NADK: variants seen among roughly 807,000 people sequenced by gnomAD.
NADK encodes NAD kinase.
NADK carries 22 observed loss-of-function variants against 49.8 expected under a neutral mutation model. The ratio of observed to expected loss-of-function variants is 0.44; its 90% CI spans 0.32 to 0.63. The LOEUF is 0.63. Ranked by LOEUF, NADK falls within the 30% of genes least tolerant of loss-of-function variation. The pLI is 0.06. For synonymous variants in NADK, 268 were observed against 253.7 expected (o/e 1.06, Z -0.54); for missense variants, 438 against 609.4 (o/e 0.72, Z 2.96).
chr1:1,753,187 C>T, intron 11 of NADK, 127 bp from the exon 12 acceptor site: 2 of 1,215,116 alleles, frequency 1.6e-6, no homozygotes, highest in African/African-American at 1.5e-5. Flanking sequence ...GCAGCCCCTC[C>T]CCGAGGCAGG....
At position 1,755,490 on chromosome 1, in the gene NADK, G is replaced by A. The variant is rs923942242; in HGVS notation, c.586-14C>T. 18 of 1,607,288 alleles carry A rather than the reference G, an allele frequency of 1.1e-5. No individual in the cohort carries two copies. Among genetic ancestry groups the A allele is most frequent in the Middle Eastern group, 1.7e-4 (1 of 6,050 alleles). On this transcript the variant is annotated splice_polypyrimidine_tract_variant and intron_variant, in intron 6 of 11. Transcript: ENST00000341426. ...AGGGACGCTGCCCTGTGAGCCGACG[G>A]AGAGGTCACTCAGTGCCCACGCCGT...
chr1:1,758,647 C>G, intron 3 of NADK: 1 of 1,422,868 alleles, frequency 7.0e-7, no homozygotes, highest in Non-Finnish European at 9.2e-7. Flanking sequence ...GCAACTAAGT[C>G]AAAAGAGCTT....
intron 1 of NADK, among the ~76,000 whole-genome samples, chr1:1,768,386 A>C (rs550883125): frequency 2.6e-5 from 4 of 152,176 alleles, no homozygotes; most frequent in South Asian, 2.1e-4. Context: ...AAACAAAAAC[A>C]AAAACAAAAC....
At chr1:1,765,849 G>A (rs1216842949) in intron 1 of NADK, among the ~76,000 whole-genome samples, 1 of 152,190 alleles carries the variant, frequency 6.6e-6, no homozygotes, top group Non-Finnish European at 1.5e-5. Context: ...GGTGGAGGCT[G>A]CAGTAAGTCG....
At chr1:1,772,624 C>A (rs1646085117) in intron 1 of NADK, among the ~76,000 whole-genome samples, 1 of 151,536 alleles carries the variant, frequency 6.6e-6, no homozygotes, top group Non-Finnish European at 1.5e-5. Flanking sequence ...AGAGGTAACA[C>A]TGCATAGAGC....
At chr1:1,761,836 C>G in intron 3 of NADK, 116 bp downstream of exon 3, 2 of 891,134 alleles carry the variant, frequency 2.2e-6, no homozygotes, top group Admixed American at 2.1e-5. Context: ...ACAGCGATCC[C>G]ACAACTCCAC....
In NADK at chr1:1,766,666, C is replaced by A. The variant is rs1570560450; in HGVS notation, c.-40-1220G>T. Among the ~76,000 whole-genome samples, 3 of 150,928 alleles carry A rather than the reference C, an allele frequency of 2.0e-5. No individual in the cohort carries two copies. The East Asian group carries it at 5.8e-4, about 29-fold the overall frequency. On this transcript the variant is annotated intron_variant, in intron 1 of 11. Coordinates refer to ENST00000341426, the MANE Select transcript of NADK (RefSeq NM_023018.5). ...AAACTGGTGAGGATAGAAAACCTCA[C>A]CCTTTTTTCCCCTTTTTCTTTTTCT...
At chr1:1,758,519 G>A (rs747134106) in intron 3 of NADK, 3 of 1,608,708 alleles carry the variant, frequency 1.9e-6, no homozygotes, top group Non-Finnish European at 2.5e-6. Flanking sequence ...TGGCGAACAC[G>A]CGGCCGCCCC....
chr1:1,765,326 G>A lies in NADK; in HGVS notation c.81C>T (p.His27=), dbSNP rs1311398713. The change falls in exon 2 of 12, where the codon CAC becomes CAT. Residue 27 remains histidine, a synonymous_variant. Coordinates refer to ENST00000341426, the MANE Select transcript of NADK (RefSeq NM_023018.5). ...DAAAYCCSAC[H]GDETWSYNHP... ...GGTTGTAACTCCAGGTCTCATCGCC[G>A]TGGCAGGCCGAGCAGCAGTAAGCAG... is the stretch of plus-strand genomic sequence containing the variant. 9 of 1,613,520 alleles carry A rather than the reference G, an allele frequency of 5.6e-6. No individual in the cohort carries two copies. Among genetic ancestry groups the A allele is most frequent in the African/African-American group, 5.3e-5 (4 of 74,922 alleles).
rs151122918 is a variant in NADK at position 1,776,915 on chromosome 1, A to C, written c.-41+1374T>G. ...AACACAGTGAGACTCTATCTCTACA[A>C]AAAATTTTATAAATCAGCTAGGTGT... On this transcript the variant is annotated intron_variant, in intron 1 of 11. Transcript: ENST00000341426. Among the ~76,000 whole-genome samples, 549 of 151,448 alleles carry C rather than the reference A, an allele frequency of 3.6e-3. 5 individuals are homozygous for C. The highest frequency in any genetic ancestry group is 0.012 in the African/African-American group (512 of 41,260).
intron 3 of NADK, chr1:1,759,661 G>T (rs1469891556): frequency 1.4e-6 from 2 of 1,465,716 alleles, no homozygotes; most frequent in Non-Finnish European, 9.2e-7. Context: ...GAGACACAGA[G>T]CCCAGAGGGG....
Position 1,754,746 on chromosome 1 carries a change from G to A in NADK, c.689-48C>T. On this transcript the variant is annotated intron_variant, in intron 7 of 11. Coordinates refer to ENST00000341426, the MANE Select transcript of NADK (RefSeq NM_023018.5). The surrounding 1 kb of genome is among the most constrained non-coding windows in gnomAD (Gnocchi z 4.3). ...GGGCATGCATCAGGGAAGTCAGTGG[G>A]GTCAGGGGCCCCACCCCAGGGAGGC... 6.5e-7 allele frequency: 1 copy of A among 1,541,708 alleles called. No homozygotes were observed. Among genetic ancestry groups the A allele is most frequent in the Non-Finnish European group, 8.7e-7 (1 of 1,147,510 alleles).
In NADK at chr1:1,757,194, G is replaced by A. The variant is rs749009504; in HGVS notation, c.380C>T (p.Thr127Met). 1.7e-5 allele frequency: 28 copies of A among 1,609,218 alleles called. No homozygotes were observed. The highest frequency in any genetic ancestry group is 3.3e-4 in the Middle Eastern group (2 of 6,054). Reference protein sequence around the residue: ...SLLQPFKELCTHLMEENMIVY... With the variant: ...SLLQPFKELCMHLMEENMIVY... Reference sequence around the variant, plus strand: ...TGCCCCGCGTGCCTCCATGAGGTGCGTGCAGAGCTCCTTGAACGGCTGCAG... The same window carrying A: ...TGCCCCGCGTGCCTCCATGAGGTGCATGCAGAGCTCCTTGAACGGCTGCAG... The change falls in exon 4 of 12, where the codon ACG becomes ATG. Residue 127 changes from threonine (T) to methionine (M), a missense_variant. Physicochemically the swap from Thr to Met is moderately conservative, Grantham distance 81 (BLOSUM62 -1). Coordinates refer to ENST00000341426, the MANE Select transcript of NADK (RefSeq NM_023018.5).
intron 3 of NADK, among the ~76,000 whole-genome samples, chr1:1,760,883 G>A (rs920160153): frequency 5.3e-5 from 8 of 151,982 alleles, no homozygotes; most frequent in Non-Finnish European, 1.2e-4. Flanking sequence ...CAGGCGGAAT[G>A]CACTTTGATA....
chr1:1,758,529 C>A, intron 3 of NADK: 1 of 1,607,222 alleles, frequency 6.2e-7, no homozygotes, highest in Non-Finnish European at 8.5e-7. Context: ...GCGGCCGCCC[C>A]ATCGGTATGG....
chr1:1,769,969 CAAAACAAAAACAAAAACA>C (rs143674742), intron 1 of NADK, among the ~76,000 whole-genome samples: 2,232 of 147,436 alleles, frequency 0.015, 44 homozygotes, highest in African/African-American at 0.048. Context: ...TCCCAGCACT[CAAAACAAAAACAAAAACA>C]AAAACAAAAA....
chr1:1,772,802 G>T (rs1172973497), intron 1 of NADK, among the ~76,000 whole-genome samples: 1 of 152,068 alleles, frequency 6.6e-6, no homozygotes, highest in Non-Finnish European at 1.5e-5. Context: ...CACTTTCGGA[G>T]GCCAAGGCGG....
At chr1:1,755,918 G>C (rs886940271) in intron 6 of NADK, 1 of 487,156 alleles carries the variant, frequency 2.1e-6, no homozygotes, top group African/African-American at 1.9e-5. Flanking sequence ...AGCCCCAGGG[G>C]AGAGCTGTGC....
chr1:1,752,768 C>T lies in NADK; in HGVS notation c.*136G>A, dbSNP rs1557828246. ...CAGCTGATCTGGACAAAAGGCAGAC[C>T]CAGGCTCTAACCCAGCTACAGAAAG... is the stretch of plus-strand genomic sequence containing the variant. On this transcript the variant is annotated 3_prime_UTR_variant, in exon 12 of 12. Coordinates refer to ENST00000341426, the MANE Select transcript of NADK (RefSeq NM_023018.5). 5.7e-6 allele frequency: 6 copies of T among 1,049,742 alleles called. No homozygotes were observed. Among genetic ancestry groups the T allele is most frequent in the Non-Finnish European group, 8.3e-6 (6 of 722,674 alleles). 65.0% of individuals were successfully genotyped at this position (1,049,742 alleles called of 1,614,324 possible).
Sources: allele counts gnomAD v4.1 joint callset (sites outside exome capture counted in the v4.1 genomes callset), GRCh38; gene constraint gnomAD v4.1.1; non-coding constraint Gnocchi (gnomAD v3.1); transcripts MANE v1.5; gene names NCBI Gene and HGNC (gene_info 2026-07-23, HGNC 2026-07-21).